COMMD1: variants seen among roughly 807,000 people sequenced by gnomAD.
COMMD1 encodes the protein COMM domain-containing protein 1.
COMMD1 carries 10 observed loss-of-function variants against 17.2 expected under a neutral mutation model. The ratio of observed to expected loss-of-function variants is 0.58; its 90% CI spans 0.36 to 0.99. The LOEUF is 0.99. Among genes scored for constraint, COMMD1 ranks in the 50% least tolerant of loss-of-function variants. COMMD1 has a pLI of 0.01. For synonymous variants in COMMD1, 97 were observed against 91.6 expected, an observed-to-expected ratio of 1.06 and a Z score of -0.34; for missense variants, 270 against 231.8, an observed-to-expected ratio of 1.17 and a Z score of -1.07.
chr2:61,958,179 C>T (rs1396007695), intron 1 of COMMD1, among the ~76,000 whole-genome samples: 1 of 151,992 alleles, frequency 6.6e-6, no homozygotes, highest in African/African-American at 2.4e-5. Flanking sequence ...TTTCTCCTCC[C>T]ACTCTCTACC....
rs541715654 is a variant in COMMD1, at chr2:61,960,006, A to G, written c.181-40695A>G. The stretch of plus-strand genomic sequence containing the variant: ...AAAGAAAAGGAAGTTGCCCAGGGAT[A>G]GTTAAGGAAGCTTCTCCAAATAAGG... On this transcript the variant is annotated intron_variant, in intron 1 of 2. Coordinates refer to ENST00000311832, the MANE Select transcript of COMMD1 (RefSeq NM_152516.4). Among the ~76,000 whole-genome samples the G allele has an allele frequency of 2.6e-5, 4 of 152,336 alleles. No individual in the cohort carries two copies. The South Asian group carries it at 8.3e-4, about 32-fold the overall frequency.
At chr2:61,968,831 TACAGGCATGAACC>T in intron 1 of COMMD1, 1 of 189,928 alleles carries the variant, frequency 5.3e-6, no homozygotes, top group South Asian at 7.9e-5. Context: ...GTGCTGGGAT[TACAGGCATGAACC>T]ACCGTGCCTG....
intron 1 of COMMD1, among the ~76,000 whole-genome samples, chr2:61,897,093 G>GTGT (rs1204381172): frequency 6.6e-6 from 1 of 152,072 alleles, no homozygotes; most frequent in African/African-American, 2.4e-5. Flanking sequence ...GCCTCCCAAA[G>GTGT]TGTTGGGATT....
chr2:62,132,632 G>T (rs1024776569), intron 2 of COMMD1, among the ~76,000 whole-genome samples: 7 of 152,236 alleles, frequency 4.6e-5, no homozygotes, highest in Admixed American at 4.6e-4. Flanking sequence ...ATCACTTGAG[G>T]TCAGGAGTTC....
chr2:61,950,557 C>T (rs1322988924), intron 1 of COMMD1, among the ~76,000 whole-genome samples: 1 of 152,194 alleles, frequency 6.6e-6, no homozygotes, highest in East Asian at 1.9e-4. Context: ...GTACTGAACC[C>T]TGGCCAAGGA....
chr2:61,897,902 G>A (rs558564172), intron 1 of COMMD1, among the ~76,000 whole-genome samples: 213 of 152,038 alleles, frequency 1.4e-3, no homozygotes, highest in Non-Finnish European at 2.1e-3. Flanking sequence ...TCTGTTTCAT[G>A]CCTCCATATA....
chr2:61,969,092 G>T, intron 1 of COMMD1: 1 of 415,722 alleles, frequency 2.4e-6, no homozygotes. Context: ...CTGAGCAGCT[G>T]GGACTACAGG....
intron 1 of COMMD1, among the ~76,000 whole-genome samples, chr2:61,985,082 G>A (rs575081380): frequency 6.9e-6 from 1 of 144,176 alleles, no homozygotes; most frequent in Non-Finnish European, 1.5e-5. Flanking sequence ...ACGGAGTCTC[G>A]CTCTGTCGCC....
chr2:62,128,572 C>T (rs984872704), intron 2 of COMMD1, among the ~76,000 whole-genome samples: 3 of 152,202 alleles, frequency 2.0e-5, no homozygotes, highest in Middle Eastern at 3.4e-3. Context: ...TGTTGTTCTT[C>T]CTCCTCCTTC....
intron 2 of COMMD1, among the ~76,000 whole-genome samples, chr2:62,008,307 A>G (rs1022390556): frequency 7.9e-5 from 12 of 152,098 alleles, no homozygotes; most frequent in African/African-American, 2.9e-4. Flanking sequence ...GGAAGCAGCA[A>G]AGTTGCGTGC....
intron 2 of COMMD1, among the ~76,000 whole-genome samples, chr2:62,114,965 T>G (rs907206548): frequency 3.3e-5 from 5 of 152,146 alleles, no homozygotes; most frequent in African/African-American, 1.2e-4. Context: ...TTTTTTCCCT[T>G]TGGGAAAGTA....
intron 1 of COMMD1, among the ~76,000 whole-genome samples, chr2:61,915,225 C>A (rs1467192514): frequency 2.0e-5 from 3 of 151,924 alleles, no homozygotes; most frequent in Admixed American, 2.0e-4. Context: ...AGGTTGGTCT[C>A]CAACTCCTGA....
chr2:61,913,959 C>T (rs911483635), intron 1 of COMMD1, among the ~76,000 whole-genome samples: 16 of 152,118 alleles, frequency 1.1e-4, no homozygotes. Flanking sequence ...ATCATGAGGT[C>T]AGGAGATCAA....
chr2:62,058,625 G>C (rs1354932323), intron 2 of COMMD1, among the ~76,000 whole-genome samples: 2 of 152,030 alleles, frequency 1.3e-5, no homozygotes, highest in African/African-American at 4.8e-5. Flanking sequence ...TGTGGTCCCA[G>C]CTACTTGAGA....
At position 61,920,456 on chromosome 2, in the gene COMMD1, CCA is replaced by C. The variant is rs202211018; in HGVS notation, c.180+14602_180+14603del. Among the ~76,000 whole-genome samples, 1,050 of 151,744 alleles carry C rather than the reference CCA, an allele frequency of 6.9e-3. 6 individuals are homozygous for C. The highest frequency in any genetic ancestry group is 0.02 in the South Asian group (94 of 4,786). ...TTTGTAATTGCTTCTGGAGACTCTC[CCA>C]CACTTACATTTCTGAGTTGGCCAAA... On this transcript the variant is annotated intron_variant, in intron 1 of 2. Coordinates refer to ENST00000311832, the MANE Select transcript of COMMD1 (RefSeq NM_152516.4).
chr2:62,126,339 A>G (rs1686743833), intron 2 of COMMD1, among the ~76,000 whole-genome samples: 1 of 152,176 alleles, frequency 6.6e-6, no homozygotes, highest in Non-Finnish European at 1.5e-5. Flanking sequence ...TCTTTGATGA[A>G]TCGCCACACC....
chr2:61,994,247 A>G (rs1193153183), intron 1 of COMMD1, among the ~76,000 whole-genome samples: 1 of 152,154 alleles, frequency 6.6e-6, no homozygotes, highest in African/African-American at 2.4e-5. Flanking sequence ...TCAGCCTCCC[A>G]AAGTGCTGGA....
At position 61,984,026 on chromosome 2, in the gene COMMD1, G is replaced by T. The variant is rs968306736; in HGVS notation, c.181-16675G>T. Among the ~76,000 whole-genome samples, 53 of 152,020 alleles carry T rather than the reference G, an allele frequency of 3.5e-4. 1 individual carries two copies. Among genetic ancestry groups the T allele is most frequent in the Admixed American group, 3.2e-3 (49 of 15,248 alleles). ...TGTAGCCAGTAGGTTTTGGTTTGTT[G>T]TTGTTGCTGTTGTTTGAGACAGAGT... On this transcript the variant is annotated intron_variant, in intron 1 of 2. Transcript: ENST00000311832.
intron 2 of COMMD1, among the ~76,000 whole-genome samples, chr2:62,066,182 C>G (rs1671032580): frequency 1.3e-5 from 2 of 152,148 alleles, no homozygotes; most frequent in Non-Finnish European, 2.9e-5. Flanking sequence ...TTTGTCATTT[C>G]TAATCTTACC....
Sources: gnomAD v4.1 joint callset for allele counts (sites outside exome capture counted in the v4.1 genomes callset) on GRCh38, gnomAD v4.1.1 for gene constraint, MANE v1.5 for transcripts, NCBI Gene and HGNC (gene_info 2026-07-23, HGNC 2026-07-21) for gene names.